MRPS27: variants seen among roughly 807,000 people sequenced by gnomAD.
MRPS27 encodes the protein mitochondrial ribosomal protein S27, also known as small ribosomal subunit protein mS27.
A neutral mutation model predicts 48.9 loss-of-function variants in MRPS27; 43 were observed. That is an observed-to-expected ratio of 0.88 (90% CI 0.69 to 1.13). The LOEUF (loss-of-function observed/expected upper bound fraction) is 1.13. MRPS27 is among the 50% of genes most tolerant of loss of function. The pLI is 0.00. For synonymous variants in MRPS27, 188 were observed against 171.9 expected (o/e 1.09, Z -0.73); for missense variants, 467 against 476.3 (o/e 0.98, Z 0.18).
intron 4 of MRPS27, among the ~76,000 whole-genome samples, chr5:72,240,773 A>G (rs1024790091): frequency 5.3e-5 from 8 of 152,266 alleles, no homozygotes; most frequent in Admixed American, 5.2e-4. Context: ...CACAAGGAAG[A>G]GCAAGAAAGT....
At chr5:72,292,735 G>A (rs1337955179) in intron 4 of MRPS27, among the ~76,000 whole-genome samples, 1 of 152,124 alleles carries the variant, frequency 6.6e-6, no homozygotes, top group Non-Finnish European at 1.5e-5. Context: ...GAGAAGATGT[G>A]GCAGCTACAC....
chr5:72,234,662 C>G (rs540414236), intron 5 of MRPS27, among the ~76,000 whole-genome samples: 82 of 152,180 alleles, frequency 5.4e-4, no homozygotes, highest in African/African-American at 2.0e-3. Context: ...GAAATATTTG[C>G]TACTAAGTTT....
intron 4 of MRPS27, among the ~76,000 whole-genome samples, chr5:72,241,157 C>T (rs1321142024): frequency 1.3e-5 from 2 of 152,212 alleles, no homozygotes; most frequent in South Asian, 2.1e-4. Context: ...CCTGCCTTTG[C>T]CTCCTTCTTT....
At chr5:72,274,223 T>A (rs1341439897) in intron 4 of MRPS27, among the ~76,000 whole-genome samples, 1 of 152,118 alleles carries the variant, frequency 6.6e-6, no homozygotes, top group Non-Finnish European at 1.5e-5. Flanking sequence ...GCATGGTGGC[T>A]CACGCCTATA....
At chr5:72,271,316 A>C (rs1197315840) in intron 4 of MRPS27, among the ~76,000 whole-genome samples, 4 of 152,196 alleles carry the variant, frequency 2.6e-5, no homozygotes, top group Admixed American at 6.5e-5. Context: ...ACAAAAATCA[A>C]CTCTCTAGCA....
chr5:72,297,746 A>G (rs1561359918), intron 2 of MRPS27, 44 bp from the exon 3 acceptor site: 1 of 1,313,428 alleles, frequency 7.6e-7, no homozygotes, highest in East Asian at 2.5e-5. Context: ...AAAGATACAT[A>G]TTTTTTTACA....
chr5:72,290,525 CT>C (rs1448619049), intron 4 of MRPS27, among the ~76,000 whole-genome samples: 1 of 152,202 alleles, frequency 6.6e-6, no homozygotes, highest in African/African-American at 2.4e-5. Flanking sequence ...TGTGGTTTCT[CT>C]CTCAGGACAG....
At chr5:72,295,653 C>T (rs1749958561) in intron 3 of MRPS27, 64 bp from the exon 4 acceptor site, 1 of 1,217,388 alleles carries the variant, frequency 8.2e-7, no homozygotes, top group East Asian at 2.3e-5. Flanking sequence ...GGCCTAGGGC[C>T]TAGATCACAC....
intron 4 of MRPS27, among the ~76,000 whole-genome samples, chr5:72,294,044 T>C (rs1749910464): frequency 1.3e-5 from 2 of 152,168 alleles, no homozygotes; most frequent in Non-Finnish European, 1.5e-5. Flanking sequence ...GCAACTAAGT[T>C]AGGACCTAAA....
At chr5:72,225,941 T>C (rs1314292282) in intron 9 of MRPS27, 116 bp downstream of exon 9, 1 of 1,168,736 alleles carries the variant, frequency 8.6e-7, no homozygotes, top group Non-Finnish European at 1.2e-6. Flanking sequence ...GATAAATACC[T>C]ATTCTATAGA....
At chr5:72,305,680 A>G (rs1405081773) in intron 2 of MRPS27, among the ~76,000 whole-genome samples, 1 of 152,144 alleles carries the variant, frequency 6.6e-6, no homozygotes, top group Non-Finnish European at 1.5e-5. Context: ...AGCTCAAGTC[A>G]CCTGAGTGCT....
chr5:72,284,263 A>C (rs1749608548), intron 4 of MRPS27, among the ~76,000 whole-genome samples: 2 of 150,942 alleles, frequency 1.3e-5, no homozygotes, highest in South Asian at 2.1e-4. Flanking sequence ...AAAAAAAAAA[A>C]ACACCACCAA....
At chr5:72,284,589 A>T (rs1287697369) in intron 4 of MRPS27, among the ~76,000 whole-genome samples, 3 of 152,224 alleles carry the variant, frequency 2.0e-5, no homozygotes, top group Admixed American at 6.5e-5. Flanking sequence ...AAAAGTTACA[A>T]GAGACAATTC....
intron 4 of MRPS27, among the ~76,000 whole-genome samples, chr5:72,284,283 G>C (rs1749609415): frequency 1.3e-5 from 2 of 151,174 alleles, no homozygotes; most frequent in Non-Finnish European, 2.9e-5. Flanking sequence ...AAAAGGCCAG[G>C]CATGGTGGCA....
intron 8 of MRPS27, chr5:72,227,628 A>C (rs1747938006): frequency 6.6e-6 from 1 of 152,244 alleles, no homozygotes; most frequent in African/African-American, 2.4e-5. Context: ...CGTTACATTT[A>C]GGTTGAATCT....
chr5:72,226,303 A>C (rs1415139605), intron 8 of MRPS27, 104 bp from the exon 9 acceptor site: 3 of 1,327,670 alleles, frequency 2.3e-6, no homozygotes, highest in Non-Finnish European at 3.2e-6. Context: ...GCAGCACTAG[A>C]AATAGAGAAG....
At chr5:72,245,262 C>A (rs1748482275) in intron 4 of MRPS27, among the ~76,000 whole-genome samples, 1 of 152,176 alleles carries the variant, frequency 6.6e-6, no homozygotes, top group African/African-American at 2.4e-5. Flanking sequence ...GGGCCTTTAC[C>A]TAGGAACAGC....
chr5:72,291,196 A>C (rs1561356937), intron 4 of MRPS27, among the ~76,000 whole-genome samples: 1 of 152,184 alleles, frequency 6.6e-6, no homozygotes, highest in Non-Finnish European at 1.5e-5. Flanking sequence ...TAAACTAAGA[A>C]AGTCTTCTTT....
At chr5:72,246,028 C>T (rs554587161) in intron 4 of MRPS27, among the ~76,000 whole-genome samples, 1 of 152,150 alleles carries the variant, frequency 6.6e-6, no homozygotes, top group African/African-American at 2.4e-5. Flanking sequence ...TGTAACTCTA[C>T]TGACTCCTCT....
Sources: allele counts gnomAD v4.1 joint callset (sites outside exome capture counted in the v4.1 genomes callset), GRCh38; gene constraint gnomAD v4.1.1; transcripts MANE v1.5; gene names NCBI Gene and HGNC (gene_info 2026-07-23, HGNC 2026-07-21).